Variants in ANKS1B observed in about 807,000 individuals in gnomAD.
The protein encoded by ANKS1B is ankyrin repeat and sterile alpha motif domain containing 1B, also known as ankyrin repeat and sterile alpha motif domain-containing protein 1B.
A neutral mutation model predicts 148.3 loss-of-function variants in ANKS1B; 36 were observed. That is an observed-to-expected ratio of 0.24 (90% CI 0.19 to 0.32). ANKS1B has a LOEUF of 0.32. Ranked by LOEUF, ANKS1B falls within the 10% of genes least tolerant of loss-of-function variation. ANKS1B has a pLI of 1.00. For missense variants in ANKS1B, 1,157 were observed against 1,542.6 expected, an observed-to-expected ratio of 0.75 and a Z score of 4.19; for synonymous variants, 542 against 560.8, an observed-to-expected ratio of 0.97 and a Z score of 0.47.
intron 8 of ANKS1B, among the ~76,000 whole-genome samples, chr12:99,706,817 G>A (rs1026922151): frequency 2.0e-5 from 3 of 151,958 alleles, no homozygotes; most frequent in Non-Finnish European, 2.9e-5. Context: ...TGAGGCTCTC[G>A]GTCAAGGAAT....
chr12:99,101,230 A>C (rs755959053), intron 15 of ANKS1B, among the ~76,000 whole-genome samples: 16 of 152,136 alleles, frequency 1.1e-4, no homozygotes, highest in Non-Finnish European at 2.1e-4. Context: ...AGATGGCTGG[A>C]TTTACAATGT....
chr12:98,938,723 G>T (rs191511670), intron 17 of ANKS1B, among the ~76,000 whole-genome samples: 1 of 152,224 alleles, frequency 6.6e-6, no homozygotes, highest in Non-Finnish European at 1.5e-5. Context: ...CTTAAGACTC[G>T]CCAGCATGGG....
At chr12:99,943,967 C>T (rs4093214) in intron 1 of ANKS1B, among the ~76,000 whole-genome samples, 91,234 of 151,508 alleles carry the variant, frequency 0.6, 28,589 homozygotes, top group Middle Eastern at 0.7. Flanking sequence ...CCCCACCCCG[C>T]GACAGGCCCC....
intron 10 of ANKS1B, among the ~76,000 whole-genome samples, chr12:99,473,030 G>A (rs1285869835): frequency 6.6e-6 from 1 of 151,908 alleles, no homozygotes; most frequent in Non-Finnish European, 1.5e-5. Flanking sequence ...AAGCATTACA[G>A]ATACTTTTAA....
At chr12:99,050,977 G>A (rs1454187383) in intron 17 of ANKS1B, among the ~76,000 whole-genome samples, 2 of 151,952 alleles carry the variant, frequency 1.3e-5, no homozygotes, top group Non-Finnish European at 2.9e-5. Flanking sequence ...GATTACCGGC[G>A]TGAACCACCA....
chr12:99,042,893 G>A (rs1302611307), intron 17 of ANKS1B, among the ~76,000 whole-genome samples: 1 of 152,182 alleles, frequency 6.6e-6, no homozygotes. Flanking sequence ...AGCCACGGCT[G>A]CCTGCCATTT....
intron 9 of ANKS1B, among the ~76,000 whole-genome samples, chr12:99,594,247 T>A (rs555086981): frequency 1.3e-5 from 2 of 152,194 alleles, no homozygotes; most frequent in East Asian, 3.9e-4. Context: ...GGAAACTTCG[T>A]GTACTGTTGT....
At chr12:99,353,899 T>C (rs1311554168) in intron 12 of ANKS1B, among the ~76,000 whole-genome samples, 1 of 152,056 alleles carries the variant, frequency 6.6e-6, no homozygotes, top group Admixed American at 6.6e-5. Context: ...TTTTACACTG[T>C]TATGGAGGCC....
At chr12:99,499,209 T>TA (rs1445359398) in intron 10 of ANKS1B, among the ~76,000 whole-genome samples, 4 of 152,188 alleles carry the variant, frequency 2.6e-5, no homozygotes, top group Admixed American at 1.3e-4. Context: ...AATCATTTTT[T>TA]AAAAACCACA....
chr12:98,807,817 G>T (rs1345511451), intron 20 of ANKS1B, 27 bp downstream of exon 20: 2 of 1,602,492 alleles, frequency 1.2e-6, no homozygotes, highest in East Asian at 4.5e-5. Flanking sequence ...AAGTTCAGGA[G>T]AAGAAAAGAA....
At chr12:98,826,269 A>G (rs1186905955) in intron 19 of ANKS1B, among the ~76,000 whole-genome samples, 1 of 152,210 alleles carries the variant, frequency 6.6e-6, no homozygotes, top group African/African-American at 2.4e-5. Flanking sequence ...ATATTTGCAA[A>G]TCCCCTGTAT....
chr12:99,012,775 A>G (rs1032266118), intron 17 of ANKS1B, among the ~76,000 whole-genome samples: 1 of 152,158 alleles, frequency 6.6e-6, no homozygotes, highest in East Asian at 1.9e-4. Flanking sequence ...TTGTTTAAAA[A>G]AATTCAGAAG....
chr12:99,156,126 T>C (rs1439609756), intron 14 of ANKS1B, among the ~76,000 whole-genome samples: 1 of 152,280 alleles, frequency 6.6e-6, no homozygotes, highest in East Asian at 1.9e-4. Flanking sequence ...AAGGGCATTG[T>C]CAACTTTCCT....
chr12:98,755,615 T>A (rs1180039612), intron 25 of ANKS1B, among the ~76,000 whole-genome samples: 1 of 152,242 alleles, frequency 6.6e-6, no homozygotes, highest in Non-Finnish European at 1.5e-5. Flanking sequence ...GTGTGAGAGA[T>A]GTGCCAAGCA....
At chr12:99,462,771 A>C (rs1209283966) in intron 10 of ANKS1B, among the ~76,000 whole-genome samples, 3 of 152,190 alleles carry the variant, frequency 2.0e-5, no homozygotes, top group African/African-American at 7.2e-5. Flanking sequence ...CATTATGGGA[A>C]TGGATCCCTC....
At chr12:99,203,671 T>C (rs572956875) in intron 14 of ANKS1B, among the ~76,000 whole-genome samples, 3 of 152,134 alleles carry the variant, frequency 2.0e-5, no homozygotes, top group Non-Finnish European at 4.4e-5. Flanking sequence ...CAGGATGGTC[T>C]TGATCTCCTG....
intron 12 of ANKS1B, among the ~76,000 whole-genome samples, chr12:99,369,787 T>C (rs1458818369): frequency 2.1e-3 from 246 of 118,182 alleles, no homozygotes; most frequent in African/African-American, 2.9e-3. Context: ...GATAGATAGA[T>C]AGATGGACGG....
chr12:99,702,841 T>C (rs2055091024), intron 8 of ANKS1B, among the ~76,000 whole-genome samples: 1 of 151,002 alleles, frequency 6.6e-6, no homozygotes, highest in Non-Finnish European at 1.5e-5. Context: ...TCAAGAAATC[T>C]TCACCTAGAA....
At chr12:99,295,892 G>C (rs1363146237) in intron 12 of ANKS1B, among the ~76,000 whole-genome samples, 1 of 152,142 alleles carries the variant, frequency 6.6e-6, no homozygotes, top group Non-Finnish European at 1.5e-5. Context: ...GTTTGCTAAG[G>C]TGTCATTTTT....
Sources: gnomAD v4.1 joint callset for allele counts (sites outside exome capture counted in the v4.1 genomes callset) on GRCh38, gnomAD v4.1.1 for gene constraint, MANE v1.5 for transcripts, NCBI Gene and HGNC (gene_info 2026-07-23, HGNC 2026-07-21) for gene names.